Variants in FAM53A observed in about 807,000 individuals in gnomAD.
The protein encoded by FAM53A is family with sequence similarity 53 member A.
Under a neutral mutation model 26.6 loss-of-function variants are expected in FAM53A, and 28 were observed. That is an observed-to-expected ratio of 1.05 (90% CI 0.78 to 1.45). FAM53A has a LOEUF of 1.45. Ranked by LOEUF, FAM53A falls within the 40% of genes most tolerant of loss-of-function variation. The probability of loss-of-function intolerance (pLI) is 0.00; values close to 1 mark genes in which losing one functional copy is unlikely to be tolerated. For synonymous variants in FAM53A, 290 were observed against 253.1 expected (o/e 1.15, Z -1.38); for missense variants, 650 against 575.8 (o/e 1.13, Z -1.32).
rs543118736 is a variant in FAM53A at position 1,632,310 on chromosome 4, C to CA, written c.432-14200dup. 2.3e-3 allele frequency among the ~76,000 whole-genome samples: 352 copies of CA among 152,246 alleles called. 1 individual carries two copies. Among genetic ancestry groups the CA allele is most frequent in the African/African-American group, 8.2e-3 (340 of 41,536 alleles). ...AAGAAGATGAGGACACAGACACACA[C>CA]AGAGAAACGACCACGTGCAGACAGG... On this transcript the variant is annotated intron_variant, in intron 1 of 1. Coordinates refer to the FAM53A transcript ENST00000489029.
chr4:1,639,554 C>T (rs571228900), downstream of FAM53A, among the ~76,000 whole-genome samples: 1 of 152,298 alleles, frequency 6.6e-6, no homozygotes, highest in East Asian at 1.9e-4. Flanking sequence ...TGACCCCGGG[C>T]CAGCACAGCA....
intron 2 of FAM53A, among the ~76,000 whole-genome samples, chr4:1,666,956 T>C (rs1481325049): frequency 1.3e-5 from 2 of 152,268 alleles, no homozygotes; most frequent in South Asian, 2.1e-4. Flanking sequence ...GGTGAAACCC[T>C]GTCTCTACTA....
chr4:1,685,985 C>T (rs1030124590), upstream of FAM53A, among the ~76,000 whole-genome samples: 2 of 152,224 alleles, frequency 1.3e-5, no homozygotes, highest in African/African-American at 4.8e-5. Flanking sequence ...TCTACCCACC[C>T]CTCTCAGCCA....
At chr4:1,586,501 C>A in the FAM53A span, among the ~76,000 whole-genome samples, 14 of 152,012 alleles carry the variant, frequency 9.2e-5, no homozygotes, top group South Asian at 4.2e-4. Context: ...TGAGGCCAGG[C>A]GCGGTGGCTC....
At chr4:1,626,047 TG>T (rs1308304098) in intron 1 of FAM53A, among the ~76,000 whole-genome samples, 4 of 152,156 alleles carry the variant, frequency 2.6e-5, no homozygotes, top group Non-Finnish European at 5.9e-5. Flanking sequence ...CGACTCGGTG[TG>T]GCTGCCTGCC....
At chr4:1,575,387 G>A in the FAM53A span, among the ~76,000 whole-genome samples, 1 of 152,202 alleles carries the variant, frequency 6.6e-6, no homozygotes, top group African/African-American at 2.4e-5. Flanking sequence ...GGTGCAGACT[G>A]GATGCAGATC....
chr4:1,583,336 C>T, the FAM53A span, among the ~76,000 whole-genome samples: 8 of 152,130 alleles, frequency 5.3e-5, no homozygotes, highest in African/African-American at 1.4e-4. Context: ...TGAAGAAGAG[C>T]GGGACCAGCA....
the FAM53A span, among the ~76,000 whole-genome samples, chr4:1,611,306 T>A: frequency 3.9e-5 from 6 of 152,148 alleles, no homozygotes; most frequent in Non-Finnish European, 8.8e-5. Context: ...CACCCCTGGC[T>A]GGAGGGGGGC....
At chr4:1,582,196 G>A in the FAM53A span, among the ~76,000 whole-genome samples, 2 of 152,342 alleles carry the variant, frequency 1.3e-5, no homozygotes, top group African/African-American at 4.8e-5. Context: ...ACGTTTCAGC[G>A]TTTACTACTG....
At chr4:1,652,236 A>T (rs1326904252) in intron 4 of FAM53A, among the ~76,000 whole-genome samples, 1 of 144,426 alleles carries the variant, frequency 6.9e-6, no homozygotes, top group Non-Finnish European at 1.5e-5. Context: ...CACTAGTCGC[A>T]CACACACCAC....
chr4:1,623,043 G>A (rs1398338727), intron 1 of FAM53A, among the ~76,000 whole-genome samples: 4 of 152,224 alleles, frequency 2.6e-5, no homozygotes, highest in African/African-American at 7.2e-5. Flanking sequence ...CAGCCCCCAC[G>A]GTCACAGGGC....
chr4:1,671,047 C>A (rs112788619), intron 1 of FAM53A, among the ~76,000 whole-genome samples: 1 of 135,328 alleles, frequency 7.4e-6, no homozygotes, highest in Non-Finnish European at 1.6e-5. Context: ...CACCTCTGTC[C>A]CAGCGTCAGA....
Position 1,641,268 on chromosome 4 carries a change from T to C in FAM53A, c.*25A>G, listed in dbSNP as rs759704959. 1.9e-6 allele frequency: 3 copies of C among 1,612,110 alleles called. No homozygotes were observed. Among genetic ancestry groups the C allele is most frequent in the Middle Eastern group, 1.7e-4 (1 of 6,050 alleles). On this transcript the variant is annotated 3_prime_UTR_variant, in exon 5 of 5. Coordinates refer to ENST00000308132, the MANE Select transcript of FAM53A (RefSeq NM_001174070.3). The stretch of plus-strand genomic sequence containing the variant: ...CCAGGGCAGGTGCAGGCGGCAGCCA[T>C]GGCCCCGACCAGCCCCCACCAGCCT...
chr4:1,626,667 G>A (rs1027421554), intron 1 of FAM53A, among the ~76,000 whole-genome samples: 26 of 151,592 alleles, frequency 1.7e-4, no homozygotes, highest in African/African-American at 4.6e-4. Context: ...CCCTGAGCCC[G>A]GGGGGACCCG....
chr4:1,654,939 C>G, intron 4 of FAM53A, 39 bp downstream of exon 4: 1 of 1,494,446 alleles, frequency 6.7e-7, no homozygotes, highest in Non-Finnish European at 8.9e-7. Flanking sequence ...CTGTCCAGAT[C>G]TACGCCCCTC....
intron 2 of FAM53A, among the ~76,000 whole-genome samples, chr4:1,662,099 C>T (rs1425859478): frequency 3.3e-5 from 5 of 152,094 alleles, no homozygotes; most frequent in Non-Finnish European, 5.9e-5. Context: ...GAGGCTGAGG[C>T]GGGAGGACCC....
downstream of FAM53A, among the ~76,000 whole-genome samples, chr4:1,637,417 C>G (rs1715893937): frequency 6.6e-6 from 1 of 152,142 alleles, no homozygotes; most frequent in Non-Finnish European, 1.5e-5. Flanking sequence ...GAGGCCAGCC[C>G]TCGAGGGACA....
chr4:1,613,978 CGAA>C (rs1023509279), downstream of FAM53A, among the ~76,000 whole-genome samples: 2 of 152,148 alleles, frequency 1.3e-5, no homozygotes, highest in Non-Finnish European at 2.9e-5. Context: ...CAGAGAACCC[CGAA>C]GAAGAAGTGA....
chr4:1,634,124 A>G (rs1715734405), intron 1 of FAM53A, among the ~76,000 whole-genome samples: 1 of 152,134 alleles, frequency 6.6e-6, no homozygotes, highest in Non-Finnish European at 1.5e-5. Flanking sequence ...GGGCCTCTTC[A>G]CTGGCTGTCC....
Sources: allele counts gnomAD v4.1 joint callset (sites outside exome capture counted in the v4.1 genomes callset), GRCh38; gene constraint gnomAD v4.1.1; transcripts MANE v1.5; gene names NCBI Gene and HGNC (gene_info 2026-07-23, HGNC 2026-07-21).